Variants in SAMSN1 observed in about 807,000 individuals in gnomAD.
SAMSN1 encodes the protein SAM domain, SH3 domain and nuclear localization signals 1.
Under a neutral mutation model 42.0 loss-of-function variants are expected in SAMSN1, and 31 were observed. That is an observed-to-expected ratio of 0.74 (90% CI 0.55 to 1.00). The LOEUF (loss-of-function observed/expected upper bound fraction) is 1.00. Ranked by LOEUF, SAMSN1 falls within the 50% of genes least tolerant of loss-of-function variation. The pLI, the probability that SAMSN1 is intolerant of heterozygous loss-of-function variation, is 0.00. For missense variants in SAMSN1, 464 were observed against 439.4 expected, an observed-to-expected ratio of 1.06 and a Z score of -0.50; for synonymous variants, 178 against 151.9, an observed-to-expected ratio of 1.17 and a Z score of -1.26.
intron 1 of SAMSN1, among the ~76,000 whole-genome samples, chr21:14,539,811 ACCAAAAAAGAGCCCGCATCG>A (rs1979885048): frequency 6.6e-6 from 1 of 152,198 alleles, no homozygotes; most frequent in Non-Finnish European, 1.5e-5. Context: ...TTCATATGCA[ACCAAAAAAGAGCCCGCATCG>A]CCAAGTCAAT....
intron 1 of SAMSN1, among the ~76,000 whole-genome samples, chr21:14,528,368 C>G (rs1234019679): frequency 6.6e-6 from 1 of 152,164 alleles, no homozygotes; most frequent in Non-Finnish European, 1.5e-5. Context: ...TATGCCAACA[C>G]TTCCTTAAAA....
intron 1 of SAMSN1, among the ~76,000 whole-genome samples, chr21:14,535,019 G>A (rs1394445975): frequency 6.6e-6 from 1 of 152,130 alleles, no homozygotes; most frequent in Non-Finnish European, 1.5e-5. Context: ...TGGAAAAAAA[G>A]CACAGAGCAT....
At chr21:14,505,411 C>A (rs554992001) in intron 5 of SAMSN1, among the ~76,000 whole-genome samples, 3 of 152,122 alleles carry the variant, frequency 2.0e-5, no homozygotes, top group Non-Finnish European at 4.4e-5. Context: ...AAAGATATTT[C>A]ATTCAAATGG....
intron 3 of SAMSN1, among the ~76,000 whole-genome samples, chr21:14,516,204 T>C (rs766458393): frequency 1.2e-4 from 18 of 152,224 alleles, no homozygotes; most frequent in Non-Finnish European, 2.5e-4. Flanking sequence ...TTATTCATAA[T>C]AGCCAAAAAG....
intron 6 of SAMSN1, among the ~76,000 whole-genome samples, chr21:14,499,175 C>T (rs1304612833): frequency 6.6e-6 from 1 of 152,142 alleles, no homozygotes; most frequent in Non-Finnish European, 1.5e-5. Context: ...GAAGCTTTTA[C>T]TAAGCATAGA....
chr21:14,521,435 C>T (rs1216477842), intron 1 of SAMSN1, among the ~76,000 whole-genome samples: 1 of 152,146 alleles, frequency 6.6e-6, no homozygotes, highest in African/African-American at 2.4e-5. Flanking sequence ...CGCTTTTTGT[C>T]ATAGCGTTAA....
At chr21:14,630,852 A>G (rs1983309840) in intron 2 of SAMSN1, among the ~76,000 whole-genome samples, 1 of 152,210 alleles carries the variant, frequency 6.6e-6, no homozygotes, top group African/African-American at 2.4e-5. Context: ...ATTAATAGCT[A>G]TGTCAATGTT....
Position 14,577,236 on chromosome 21 carries a change from G to GTATATATA in SAMSN1, c.261+4899_261+4900insTATATATA, listed in dbSNP as rs1472311400. Among the ~76,000 whole-genome samples the GTATATATA allele has an allele frequency of 2.8e-3, 85 of 30,848 alleles. 5 individuals are homozygous for GTATATATA. The highest frequency in any genetic ancestry group is 7.0e-3 in the Admixed American group (16 of 2,276). The allele number at this position is 30,848 out of a possible 152,430, so 20.2% of individuals were successfully genotyped here. ...ATGGTGGGCTAATTTATATATATGT[G>GTATATATA]TGTATATATATATATATATATATAT... On this transcript the variant is annotated intron_variant, in intron 2 of 8. Coordinates refer to the SAMSN1 transcript ENST00000285670.
chr21:14,510,502 T>C (rs764905475), intron 4 of SAMSN1, 41 bp from the exon 5 acceptor site: 22 of 1,609,430 alleles, frequency 1.4e-5, no homozygotes, highest in Non-Finnish European at 1.6e-5. Context: ...GGAAGACTTA[T>C]AACATTCTGA....
chr21:14,578,970 C>A (rs1906509233), intron 2 of SAMSN1, among the ~76,000 whole-genome samples: 1 of 152,114 alleles, frequency 6.6e-6, no homozygotes, highest in Non-Finnish European at 1.5e-5. Context: ...GCCTCCTTTA[C>A]ATTCTATAAT....
chr21:14,502,487 G>A (rs1354896732), intron 5 of SAMSN1, among the ~76,000 whole-genome samples: 1 of 152,124 alleles, frequency 6.6e-6, no homozygotes, highest in Admixed American at 6.6e-5. Flanking sequence ...TTTCATTTTG[G>A]ATAAGACCCT....
intron 7 of SAMSN1, among the ~76,000 whole-genome samples, chr21:14,497,807 A>G (rs1478849363): frequency 2.0e-5 from 3 of 152,166 alleles, no homozygotes; most frequent in Non-Finnish European, 2.9e-5. Flanking sequence ...TGGATGGATA[A>G]TTATAAAAAA....
At chr21:14,622,663 C>T (rs919932806) in intron 2 of SAMSN1, among the ~76,000 whole-genome samples, 9 of 152,062 alleles carry the variant, frequency 5.9e-5, no homozygotes, top group African/African-American at 9.7e-5. Flanking sequence ...CTGAAAGTGA[C>T]GGGGAGAATG....
chr21:14,639,294 C>T (rs922153165), intron 2 of SAMSN1, among the ~76,000 whole-genome samples: 1 of 152,118 alleles, frequency 6.6e-6, no homozygotes, highest in African/African-American at 2.4e-5. Flanking sequence ...TTTACTGGCT[C>T]ACAGTTCTGG....
intron 2 of SAMSN1, among the ~76,000 whole-genome samples, chr21:14,624,326 A>G (rs1465990421): frequency 1.3e-5 from 2 of 152,320 alleles, no homozygotes; most frequent in East Asian, 3.9e-4. Flanking sequence ...CAAAAAATCA[A>G]TGAATGCAGG....
chr21:14,625,017 C>T (rs146896244), intron 2 of SAMSN1, among the ~76,000 whole-genome samples: 46 of 151,986 alleles, frequency 3.0e-4, no homozygotes, highest in East Asian at 1.2e-3. Flanking sequence ...ACAGAACCAA[C>T]GACAAAAACC....
chr21:14,582,901 T>C (rs1388445623), intron 1 of SAMSN1, among the ~76,000 whole-genome samples: 1 of 152,180 alleles, frequency 6.6e-6, no homozygotes, highest in African/African-American at 2.4e-5. Flanking sequence ...TAAAATTATT[T>C]GCCCTACTTA....
intron 5 of SAMSN1, among the ~76,000 whole-genome samples, chr21:14,501,008 T>C (rs186848056): frequency 6.6e-6 from 1 of 152,214 alleles, no homozygotes; most frequent in African/African-American, 2.4e-5. Context: ...ATCCCATCTC[T>C]ACAATTTTTT....
chr21:14,600,177 GCA>G lies in SAMSN1; in HGVS notation c.399+1844_399+1845del, dbSNP rs1286476146. Reference sequence around the variant, plus strand: ...GTTTCATGCCATAGTCCACTCTTATGCACACTGACAAGCCACTTTGCTACTCA... The same window carrying G: ...GTTTCATGCCATAGTCCACTCTTATGCACTGACAAGCCACTTTGCTACTCA... On this transcript the variant is annotated intron_variant, in intron 6 of 15. Transcript: ENST00000647101. Among the ~76,000 whole-genome samples the G allele has an allele frequency of 2.6e-5, 4 of 152,230 alleles. No homozygotes were observed. The East Asian group carries it at 7.7e-4, about 29-fold the overall frequency.
Sources: gnomAD v4.1 joint callset for allele counts (sites outside exome capture counted in the v4.1 genomes callset) on GRCh38, gnomAD v4.1.1 for gene constraint, MANE v1.5 for transcripts, NCBI Gene and HGNC (gene_info 2026-07-23, HGNC 2026-07-21) for gene names.